ZNF90: variants seen among roughly 807,000 people sequenced by gnomAD.
ZNF90 encodes zinc finger protein 90.
Under a neutral mutation model 12.0 loss-of-function variants are expected in ZNF90, and 11 were observed. That is an observed-to-expected ratio of 0.92 (90% CI 0.58 to 1.52). ZNF90 has a LOEUF of 1.52. Among genes scored for constraint, ZNF90 ranks in the 40% most tolerant of loss-of-function variants. The pLI, the probability that ZNF90 is intolerant of heterozygous loss-of-function variation, is 0.00. For missense variants in ZNF90, 765 were observed against 711.5 expected, an observed-to-expected ratio of 1.08 and a Z score of -0.86; for synonymous variants, 232 against 240.1, an observed-to-expected ratio of 0.97 and a Z score of 0.31.
At chr19:20,089,985 A>G (rs1371076667) in intron 1 of ZNF90, among the ~76,000 whole-genome samples, 4 of 152,196 alleles carry the variant, frequency 2.6e-5, no homozygotes, top group African/African-American at 9.7e-5. Flanking sequence ...AAGAGTGAGC[A>G]TAAAAGTAAA....
chr19:20,119,422 T>A lies in ZNF90; in HGVS notation c.*62T>A. ...ATACTGGAGAGAAACCGTATAAATG[T>A]GATGACTGTTGGAAAGCCTTTGACC... On this transcript the variant is annotated 3_prime_UTR_variant, in exon 4 of 4. Coordinates refer to ENST00000418063, the MANE Select transcript of ZNF90 (RefSeq NM_007138.2). 1 of 1,430,900 alleles carries A rather than the reference T, an allele frequency of 7.0e-7. No individual in the cohort carries two copies. Among genetic ancestry groups the A allele is most frequent in the Non-Finnish European group, 9.4e-7 (1 of 1,064,476 alleles). The allele number at this position is 1,430,900 out of a possible 1,614,324, so 88.6% of individuals were successfully genotyped here.
intron 3 of ZNF90, among the ~76,000 whole-genome samples, chr19:20,106,024 TG>T (rs1332829109): frequency 3.4e-5 from 5 of 148,400 alleles, no homozygotes; most frequent in African/African-American, 1.2e-4. Context: ...AAAATTTATT[TG>T]GAACTTCTCT....
intron 1 of ZNF90, among the ~76,000 whole-genome samples, chr19:20,092,872 G>T (rs2088913487): frequency 6.6e-6 from 1 of 152,182 alleles, no homozygotes; most frequent in Non-Finnish European, 1.5e-5. Context: ...CAAAGGAGGG[G>T]CTACAAAGAA....
At chr19:20,081,938 G>A (rs1469913441) in intron 1 of ZNF90, among the ~76,000 whole-genome samples, 1 of 151,730 alleles carries the variant, frequency 6.6e-6, no homozygotes, top group African/African-American at 2.4e-5. Context: ...CTAATTTTTT[G>A]TATTTTTAGT....
intron 1 of ZNF90, among the ~76,000 whole-genome samples, chr19:20,103,937 C>T (rs149603301): frequency 3.3e-5 from 5 of 152,212 alleles, no homozygotes; most frequent in African/African-American, 1.2e-4. Context: ...CAACTCATTC[C>T]GTATGATCTA....
chr19:20,109,185 T>A (rs141740340), intron 3 of ZNF90, among the ~76,000 whole-genome samples: 1 of 152,340 alleles, frequency 6.6e-6, no homozygotes, highest in African/African-American at 2.4e-5. Context: ...TGTATGTGTG[T>A]TTATCTATAA....
Position 20,119,054 on chromosome 19 carries a change from G to C in ZNF90, c.1500G>C (p.Lys500Asn). The change falls in exon 4 of 4, where the codon AAG (lysine) becomes AAC (asparagine). Residue 500 changes from lysine (K) to asparagine (N), a missense_variant. Lys to Asn is a moderately conservative substitution (Grantham distance 94). Coordinates refer to ENST00000418063, the MANE Select transcript of ZNF90 (RefSeq NM_007138.2). ...ACTCCTCAGCCCTTAGCACACATAA[G>C]ATAATTCACAGTGGAGAGAATCCCT... ...FKYSSALSTH[K>N]IIHSGENPYK... The C allele has an allele frequency of 6.2e-7, 1 of 1,610,188 alleles. No individual in the cohort carries two copies. Among genetic ancestry groups the C allele is most frequent in the Non-Finnish European group, 8.5e-7 (1 of 1,178,064 alleles).
intron 1 of ZNF90, among the ~76,000 whole-genome samples, chr19:20,079,076 T>A (rs980868436): frequency 7.7e-6 from 1 of 130,612 alleles, no homozygotes; most frequent in Non-Finnish European, 1.5e-5. Flanking sequence ...CTGAGATCCC[T>A]CCATCGCGCT....
chr19:20,078,432 G>T (rs887466167), intron 1 of ZNF90, among the ~76,000 whole-genome samples: 7 of 152,070 alleles, frequency 4.6e-5, no homozygotes, highest in Non-Finnish European at 1.0e-4. Context: ...GGTTCTCGGG[G>T]GAGAATCCTG....
chr19:20,117,594 G>A (rs2122529993), intron 3 of ZNF90, 187 bp from the exon 4 acceptor site: 4 of 984,804 alleles, frequency 4.1e-6, no homozygotes, highest in Non-Finnish European at 4.8e-6. Context: ...ACCATGCCTG[G>A]TTAATTTTGT....
At chr19:20,104,735 C>T (rs1234873037) in intron 2 of ZNF90, among the ~76,000 whole-genome samples, 1 of 152,154 alleles carries the variant, frequency 6.6e-6, no homozygotes, top group Admixed American at 6.5e-5. Flanking sequence ...TGGCTCACAC[C>T]TGTAATCCCA....
Position 20,119,479 on chromosome 19 carries a change from A to G in ZNF90, c.*119A>G, listed in dbSNP as rs947821760. The G allele has an allele frequency of 3.6e-6, 3 of 836,886 alleles. No homozygotes were observed. Among genetic ancestry groups the G allele is most frequent in the Non-Finnish European group, 3.7e-6 (2 of 544,888 alleles). The allele number at this position is 836,886 out of a possible 1,614,324, so 51.8% of individuals were successfully genotyped here. A position where few individuals can be genotyped will look rare whatever the true frequency, so the allele number is the denominator to read the frequency against. The stretch of plus-strand genomic sequence containing the variant: ...CTACTCTTACTAAATATGAGAATTT[A>G]TATGAAACATAACTCCTACAAAAAT... On this transcript the variant is annotated 3_prime_UTR_variant, in exon 4 of 4. Transcript: ENST00000418063.
In ZNF90 at chr19:20,084,937, A is replaced by G. The variant is rs562097923; in HGVS notation, c.3+6802A>G. 1.2e-3 allele frequency among the ~76,000 whole-genome samples: 188 copies of G among 152,054 alleles called. 2 individuals are homozygous for G. The highest frequency in any genetic ancestry group is 4.8e-3 in the Admixed American group (74 of 15,278). On this transcript the variant is annotated intron_variant, in intron 1 of 3. Transcript: ENST00000418063. The stretch of plus-strand genomic sequence containing the variant: ...AAGTTCAAATGGGTCCCATTGGTCA[A>G]TTTTTGCTTTTGTTGCAGTAGCTTT...
chr19:20,103,456 C>T (rs910982875), intron 1 of ZNF90, among the ~76,000 whole-genome samples: 1 of 152,200 alleles, frequency 6.6e-6, no homozygotes, highest in Non-Finnish European at 1.5e-5. Flanking sequence ...CTGTATTCTT[C>T]TGTGCGCATT....
intron 3 of ZNF90, among the ~76,000 whole-genome samples, chr19:20,111,893 C>G (rs2089092565): frequency 6.7e-6 from 1 of 150,118 alleles, no homozygotes; most frequent in African/African-American, 2.5e-5. Context: ...GAGTCTCACT[C>G]TATTGCCCAG....
intron 3 of ZNF90, among the ~76,000 whole-genome samples, chr19:20,117,013 TTGTGTGTGTGTG>T (rs371655051): frequency 1.9e-4 from 25 of 128,684 alleles, no homozygotes; most frequent in Admixed American, 7.0e-4. Flanking sequence ...CAACTTACAT[TTGTGTGTGTGTG>T]TGTGTGTGTG....
rs1399269927 is a variant in ZNF90, at chr19:20,104,992, G to GA, written c.131-223dup. Among the ~76,000 whole-genome samples, 11 of 151,530 alleles carry GA rather than the reference G, an allele frequency of 7.3e-5. No homozygotes were observed. The South Asian group carries it at 2.1e-3, about 29-fold the overall frequency. ...CTGGGTAACAAGAGAAACTCCGTCT[G>GA]AAAAAACAAAAAACAAACAAAAAAC... On this transcript the variant is annotated intron_variant, in intron 2 of 3. Coordinates refer to ENST00000418063, the MANE Select transcript of ZNF90 (RefSeq NM_007138.2).
At chr19:20,105,929 A>G (rs1031088731) in intron 3 of ZNF90, among the ~76,000 whole-genome samples, 3 of 151,756 alleles carry the variant, frequency 2.0e-5, no homozygotes, top group Non-Finnish European at 4.4e-5. Context: ...TTTTGCTAGG[A>G]AGTTTATTGA....
At chr19:20,101,696 T>G (rs2088991409) in intron 1 of ZNF90, among the ~76,000 whole-genome samples, 1 of 152,144 alleles carries the variant, frequency 6.6e-6, no homozygotes, top group Non-Finnish European at 1.5e-5. Context: ...AAAGGCATAT[T>G]CTCCAGATGC....
Sources: allele counts gnomAD v4.1 joint callset (sites outside exome capture counted in the v4.1 genomes callset), GRCh38; gene constraint gnomAD v4.1.1; transcripts MANE v1.5; gene names NCBI Gene and HGNC (gene_info 2026-07-23, HGNC 2026-07-21).